The following EDEM2 variants were observed in gnomAD, a reference collection of about 807,000 sequenced individuals.
EDEM2 encodes ER degradation enhancing alpha-mannosidase like protein 2.
A neutral mutation model predicts 64.8 loss-of-function variants in EDEM2; 39 were observed. The observed-to-expected ratio is 0.60, with a 90% CI of 0.47 to 0.79. The LOEUF is 0.79. EDEM2 is among the 30% of genes least tolerant of loss of function. The pLI, the probability that EDEM2 is intolerant of heterozygous loss-of-function variation, is 0.00. For synonymous variants in EDEM2, 296 were observed against 291.5 expected (o/e 1.02, Z -0.16); for missense variants, 609 against 731.3 (o/e 0.83, Z 1.93).
rs571098287 is a variant in EDEM2, at chr20:35,117,921, GA to G, written c.1236+676del. ...CTACCAAGGGTTCACATTCCAAGTA[GA>G]AAAAAAAACCCAAACTCTTTCCTGT... On this transcript the variant is annotated intron_variant, in intron 10 of 10. Coordinates refer to ENST00000374492, the MANE Select transcript of EDEM2 (RefSeq NM_018217.3). Among the ~76,000 whole-genome samples, 1,161 of 151,196 alleles carry G rather than the reference GA, an allele frequency of 7.7e-3. 15 individuals carry two copies. Among genetic ancestry groups the G allele is most frequent in the Non-Finnish European group, 0.011 (757 of 67,724 alleles).
Position 35,123,969 on chromosome 20 carries a change from C to T in EDEM2, c.1035G>A (p.Gln345=), listed in dbSNP as rs2085400250. 1.2e-6 allele frequency: 2 copies of T among 1,614,110 alleles called. No individual in the cohort carries two copies. The highest frequency in any genetic ancestry group is 2.7e-5 in the African/African-American group (2 of 74,954). The change falls in exon 9 of 11, where the codon CAG becomes CAA. Residue 345 remains glutamine, a synonymous_variant. Coordinates refer to ENST00000374492, the MANE Select transcript of EDEM2 (RefSeq NM_018217.3). ...TGTAGAATTCCGGGAGCCCCCCAAA[C>T]TGCTTCCATACAGTGTAGTAGTTGA... ...TFLNYYTVWK[Q]FGGLPEFYNI...
chr20:35,131,708 AG>A lies in EDEM2; in HGVS notation c.777del (p.Tyr260ThrfsTer6), dbSNP rs1207865388. On this transcript the variant is annotated frameshift_variant, in exon 7 of 11. Transcript: ENST00000374492. LOFTEE classifies it high-confidence loss of function. ...QDAGIGAGVD[S>X]YFEYLVKGAI... ...GCTCCTTTCACCAAGTACTCAAAGT[AG>A]GAGTCCACGCCAGCCCCGATGCCTG... is the stretch of plus-strand genomic sequence containing the variant. 1 of 1,614,140 alleles carries A rather than the reference AG, an allele frequency of 6.2e-7. No homozygotes were observed. Among genetic ancestry groups the A allele is most frequent in the Non-Finnish European group, 8.5e-7 (1 of 1,180,044 alleles).
intron 9 of EDEM2, among the ~76,000 whole-genome samples, chr20:35,120,543 A>T (rs1335419469): frequency 1.3e-5 from 2 of 151,170 alleles, no homozygotes; most frequent in African/African-American, 2.4e-5. Flanking sequence ...GGCAGAAAAG[A>T]CAGTGCCCTC....
rs771325837 is a variant in EDEM2 at position 35,134,878 on chromosome 20, G to T, written c.562C>A (p.Pro188Thr). The part of the protein sequence containing the change: ...LLHGVNPGET[P>T]VTCTAGIGTF... ...CCAATCCCTGCCGTACAGGTGACAG[G>T]GGTCTCTCCTGGGTTCACGCCATGA... Residue 188 changes from proline to threonine, a missense_variant, in exon 6 of 11, where the codon CCT becomes ACT. Coordinates refer to ENST00000374492, the MANE Select transcript of EDEM2 (RefSeq NM_018217.3). 6.8e-6 allele frequency: 11 copies of T among 1,614,072 alleles called. No individual in the cohort carries two copies. Among genetic ancestry groups the T allele is most frequent in the Non-Finnish European group, 8.5e-6 (10 of 1,180,048 alleles).
Position 35,118,609 on chromosome 20 carries a change from C to T in EDEM2, c.1225G>A (p.Gly409Arg), listed in dbSNP as rs142171544. The change falls in exon 10 of 11, where the codon GGA (glycine) becomes AGA (arginine). Residue 409 changes from glycine to arginine, a missense_variant. Physicochemically the swap from Gly to Arg is moderately radical, Grantham distance 125. Transcript: ENST00000374492. ...SIEKISKVEC[G>R]FATIKDLRDH... The stretch of plus-strand genomic sequence containing the variant: ...ATGCAAACACTTACTGTTGCAAATC[C>T]GCACTCCACCTTGCTGATTTTTTCA... 25 of 1,613,946 alleles carry T rather than the reference C, an allele frequency of 1.5e-5. No individual in the cohort carries two copies. Among genetic ancestry groups the T allele is most frequent in the African/African-American group, 2.7e-5 (2 of 74,914 alleles).
intron 9 of EDEM2, among the ~76,000 whole-genome samples, chr20:35,120,411 C>G (rs2085354141): frequency 6.6e-6 from 1 of 151,986 alleles, no homozygotes; most frequent in Admixed American, 6.6e-5. Flanking sequence ...CCCCAGTTCT[C>G]TCTTACTTCC....
chr20:35,119,295 G>T (rs2085342741), intron 9 of EDEM2, among the ~76,000 whole-genome samples: 1 of 152,270 alleles, frequency 6.6e-6, no homozygotes, highest in East Asian at 1.9e-4. Context: ...AAAAGGCTGA[G>T]ATATCCAAGA....
rs567923355 is a variant in EDEM2 at position 35,126,272 on chromosome 20, C to G, written c.948G>C (p.Glu316Asp). Residue 316 changes from glutamate to aspartate, a missense_variant, in exon 8 of 11, where the codon GAG becomes GAC. Transcript: ENST00000374492. ...CTACCTGAAGACCAGGCCAGTAGGC[C>G]TCCAAGGACTGGAAGACTGGCATGG... ...TVSMPVFQSLEAYWPGLQSLI... is the reference protein window; with the variant it reads ...TVSMPVFQSLDAYWPGLQSLI... 6.2e-7 allele frequency: 1 copy of G among 1,613,980 alleles called. No homozygotes were observed. The highest frequency in any genetic ancestry group is 2.2e-5 in the East Asian group (1 of 44,888).
rs1263684546 is a variant in EDEM2, at chr20:35,134,909, G to C, written c.531C>G (p.Asn177Lys). The change falls in exon 6 of 11, where the codon AAC becomes AAG. Residue 177 changes from asparagine to lysine, a missense_variant. Coordinates refer to ENST00000374492, the MANE Select transcript of EDEM2 (RefSeq NM_018217.3). ...CTCCTGGGTTCACGCCATGAAGTAA[G>C]TTCACTGTTCCATATGGCATGCCAG... ...TPTGMPYGTV[N>K]LLHGVNPGET... The C allele has an allele frequency of 6.2e-7, 1 of 1,614,186 alleles. No individual in the cohort carries two copies. Among genetic ancestry groups the C allele is most frequent in the African/African-American group, 1.3e-5 (1 of 75,036 alleles).
intron 10 of EDEM2, 100 bp from the exon 11 acceptor site, chr20:35,116,033 G>A: frequency 7.7e-7 from 1 of 1,292,400 alleles, no homozygotes; most frequent in Non-Finnish European, 1.1e-6. Context: ...CAAAGCAGCT[G>A]AGGGCCTGTG....
At chr20:35,124,131 A>C in intron 8 of EDEM2, 97 bp from the exon 9 acceptor site, 2 of 1,471,422 alleles carry the variant, frequency 1.4e-6, no homozygotes, top group Non-Finnish European at 1.8e-6. Context: ...GGGGCCAAAA[A>C]GGCCTTGAAT....
intron 10 of EDEM2, among the ~76,000 whole-genome samples, 170 bp from the exon 11 acceptor site, chr20:35,116,103 TG>T (rs1452051416): frequency 6.6e-6 from 1 of 152,210 alleles, no homozygotes. Context: ...ATCTCTCACC[TG>T]GATTATCACA....
chr20:35,146,685 G>T, intron 2 of EDEM2, 140 bp downstream of exon 2: 1 of 880,724 alleles, frequency 1.1e-6, no homozygotes, highest in Non-Finnish European at 1.7e-6. Flanking sequence ...AGTAAGAATT[G>T]CGGGGAGCGC....
chr20:35,142,412 T>C lies in EDEM2; in HGVS notation c.325A>G (p.Ile109Val), dbSNP rs2085668263. 1 of 1,614,090 alleles carries C rather than the reference T, an allele frequency of 6.2e-7. No homozygotes were observed. The highest frequency in any genetic ancestry group is 8.5e-7 in the Non-Finnish European group (1 of 1,180,004). ...TCAAACACAGAGGCGTTCACATCAA[T>C]ATCAAAGTCCACGCTGTCCTGGAGC... The part of the protein sequence containing the change: ...EVLQDSVDFD[I>V]DVNASVFETN... The change falls in exon 4 of 11, where the codon ATT becomes GTT. Residue 109 changes from isoleucine to valine, a missense_variant. By Grantham distance (29) the Ile-to-Val change is conservative (BLOSUM62 3). Coordinates refer to ENST00000374492, the MANE Select transcript of EDEM2 (RefSeq NM_018217.3).
At chr20:35,133,373 G>A (rs757019147) in intron 6 of EDEM2, among the ~76,000 whole-genome samples, 3 of 152,080 alleles carry the variant, frequency 2.0e-5, no homozygotes, top group Non-Finnish European at 4.4e-5. Context: ...AGAGGATATG[G>A]GCATGGCACC....
intron 4 of EDEM2, among the ~76,000 whole-genome samples, chr20:35,141,538 T>G (rs2085653821): frequency 6.6e-6 from 1 of 152,242 alleles, no homozygotes; most frequent in Non-Finnish European, 1.5e-5. Flanking sequence ...TCTTTTTTAA[T>G]CTTTTATGGA....
chr20:35,126,936 T>C (rs948333937), intron 7 of EDEM2, among the ~76,000 whole-genome samples: 5 of 151,982 alleles, frequency 3.3e-5, no homozygotes, highest in African/African-American at 4.8e-5. Context: ...CAGAAAATAA[T>C]TGATGTGGTT....
At chr20:35,128,150 G>C (rs972769737) in intron 7 of EDEM2, among the ~76,000 whole-genome samples, 3 of 151,978 alleles carry the variant, frequency 2.0e-5, no homozygotes, top group East Asian at 1.9e-4. Context: ...CTTTGGGAGG[G>C]CGAGGTGGGC....
chr20:35,126,848 G>A (rs1293743302), intron 7 of EDEM2, among the ~76,000 whole-genome samples: 1 of 152,150 alleles, frequency 6.6e-6, no homozygotes, highest in Non-Finnish European at 1.5e-5. Context: ...GGAGGCGGAG[G>A]TTGCTGTGAG....
Sources: gnomAD v4.1 joint callset for allele counts (sites outside exome capture counted in the v4.1 genomes callset) on GRCh38, gnomAD v4.1.1 for gene constraint, MANE v1.5 for transcripts, NCBI Gene and HGNC (gene_info 2026-07-23, HGNC 2026-07-21) for gene names.